The following BICD1 variants were observed in gnomAD, a reference collection of about 807,000 sequenced individuals.
The protein encoded by BICD1 is protein bicaudal D homolog 1.
A neutral mutation model predicts 92.5 loss-of-function variants in BICD1; 35 were observed. The observed-to-expected ratio is 0.38, with a 90% CI of 0.29 to 0.50. BICD1 has a LOEUF of 0.50. Among genes scored for constraint, BICD1 ranks in the 20% least tolerant of loss-of-function variants. The pLI is 0.93. For synonymous variants in BICD1, 429 were observed against 465.1 expected, an observed-to-expected ratio of 0.92 and a Z score of 1.00; for missense variants, 950 against 1,189.8, an observed-to-expected ratio of 0.80 and a Z score of 2.97.
At chr12:32,204,209 G>A (rs1592469869) in intron 1 of BICD1, among the ~76,000 whole-genome samples, 1 of 151,818 alleles carries the variant, frequency 6.6e-6, no homozygotes. Flanking sequence ...AATTAACTGG[G>A]TGTGGTGGCA....
At position 32,107,615 on chromosome 12, in the gene BICD1, CAAG is replaced by C. The variant is rs541157159; in HGVS notation, c.213+75_213+77del. On this transcript the variant is annotated intron_variant, in intron 1 of 9. Transcript: ENST00000652176. The stretch of plus-strand genomic sequence containing the variant: ...ACCCGCAAGGCCCACTCATCATGAT[CAAG>C]AAGTCATAAAGGAGGTGATTGAAAG... The C allele has an allele frequency of 7.4e-3, 10,800 of 1,462,370 alleles. 64 individuals carry two copies. Among genetic ancestry groups the C allele is most frequent in the Non-Finnish European group, 7.6e-3 (8,133 of 1,074,294 alleles). The allele number at this position is 1,462,370 out of a possible 1,614,324, so 90.6% of individuals were successfully genotyped here.
intron 8 of BICD1, among the ~76,000 whole-genome samples, chr12:32,342,185 T>C (rs944411171): frequency 8.6e-6 from 1 of 115,770 alleles, no homozygotes; most frequent in African/African-American, 3.2e-5. Flanking sequence ...TATGTGTGTA[T>C]ATATATATGT....
intron 4 of BICD1, among the ~76,000 whole-genome samples, chr12:32,307,483 G>T (rs184731421): frequency 6.6e-6 from 1 of 152,248 alleles, no homozygotes; most frequent in East Asian, 1.9e-4. Flanking sequence ...GCTCCGTGTA[G>T]ATCTACTGAA....
intron 1 of BICD1, among the ~76,000 whole-genome samples, chr12:32,189,555 G>T (rs1398466892): frequency 6.6e-6 from 1 of 152,126 alleles, no homozygotes; most frequent in Non-Finnish European, 1.5e-5. Context: ...TAGAAGTTCA[G>T]CTCTAGTATA....
chr12:32,281,127 A>G (rs945651695), intron 2 of BICD1, among the ~76,000 whole-genome samples: 2 of 152,194 alleles, frequency 1.3e-5, no homozygotes, highest in African/African-American at 4.8e-5. Flanking sequence ...CCTATGGGAA[A>G]TGGTGTTCTG....
intron 8 of BICD1, among the ~76,000 whole-genome samples, chr12:32,346,798 C>T (rs555900815): frequency 2.0e-5 from 3 of 149,220 alleles, no homozygotes; most frequent in South Asian, 4.2e-4. Flanking sequence ...AGCCTAATTT[C>T]GCTAAGGGCT....
intron 3 of BICD1, among the ~76,000 whole-genome samples, 179 bp downstream of exon 3, chr12:32,294,325 A>G (rs1251373982): frequency 1.3e-5 from 2 of 152,188 alleles, no homozygotes; most frequent in African/African-American, 2.4e-5. Context: ...GAAAAAATAC[A>G]CCTGTAAGTA....
Position 32,246,939 on chromosome 12 carries a change from T to A in BICD1, c.426+30480T>A, listed in dbSNP as rs527722280. ...GGGTGGGGAGTATGACATCAAGAGTTCTGTTTTGATCATGTTTAGTTCAAG... is the reference window on the plus strand; with the variant it reads ...GGGTGGGGAGTATGACATCAAGAGTACTGTTTTGATCATGTTTAGTTCAAG... On this transcript the variant is annotated intron_variant, in intron 2 of 9. Transcript: ENST00000652176. Among the ~76,000 whole-genome samples the A allele has an allele frequency of 3.9e-5, 6 of 152,086 alleles. No individual in the cohort carries two copies. In the South Asian group the frequency reaches 1.0e-3, roughly 26 times the overall value.
At chr12:32,163,932 T>C (rs940619785) in intron 1 of BICD1, among the ~76,000 whole-genome samples, 2 of 152,230 alleles carry the variant, frequency 1.3e-5, no homozygotes, top group African/African-American at 4.8e-5. Flanking sequence ...CAACTAAATA[T>C]GCTAAAGCCA....
At chr12:32,117,320 A>C (rs1456541532) in intron 1 of BICD1, among the ~76,000 whole-genome samples, 2 of 152,148 alleles carry the variant, frequency 1.3e-5, no homozygotes. Flanking sequence ...TAATTTGATA[A>C]GTTTATGTTT....
intron 4 of BICD1, among the ~76,000 whole-genome samples, chr12:32,314,235 T>C (rs1948445274): frequency 6.6e-6 from 1 of 152,238 alleles, no homozygotes; most frequent in African/African-American, 2.4e-5. Flanking sequence ...CTATGAACAT[T>C]TGTGTACAAG....
chr12:32,254,685 G>A (rs770587502), intron 2 of BICD1, among the ~76,000 whole-genome samples: 2 of 152,116 alleles, frequency 1.3e-5, no homozygotes, highest in Non-Finnish European at 2.9e-5. Context: ...TTGCTGAATC[G>A]AGCCTTTGAA....
At chr12:32,311,729 G>A (rs1361636153) in intron 4 of BICD1, among the ~76,000 whole-genome samples, 3 of 152,194 alleles carry the variant, frequency 2.0e-5, no homozygotes, top group Non-Finnish European at 4.4e-5. Flanking sequence ...TTCAGAGAGA[G>A]CAGGTTGTAA....
intron 1 of BICD1, among the ~76,000 whole-genome samples, chr12:32,183,537 T>G (rs1261177219): frequency 6.6e-6 from 1 of 152,234 alleles, no homozygotes; most frequent in African/African-American, 2.4e-5. Flanking sequence ...AGTGCTGGCA[T>G]TATAGGCGTG....
chr12:32,137,980 G>T (rs1034798736), intron 1 of BICD1, among the ~76,000 whole-genome samples: 8 of 152,070 alleles, frequency 5.3e-5, no homozygotes, highest in African/African-American at 1.9e-4. Context: ...GGTGTTTTTA[G>T]TAGGGACAGG....
intron 2 of BICD1, among the ~76,000 whole-genome samples, chr12:32,267,624 T>G (rs1947033686): frequency 6.6e-6 from 1 of 151,436 alleles, no homozygotes; most frequent in South Asian, 2.1e-4. Flanking sequence ...TTAAGCTATT[T>G]TTTTGTTTCT....
At chr12:32,127,245 C>G (rs1056163182) in intron 1 of BICD1, among the ~76,000 whole-genome samples, 2 of 152,128 alleles carry the variant, frequency 1.3e-5, no homozygotes, top group African/African-American at 4.8e-5. Flanking sequence ...TAAAAACATG[C>G]ACCTATATTG....
At chr12:32,266,715 A>T (rs1222584021) in intron 2 of BICD1, among the ~76,000 whole-genome samples, 1 of 152,076 alleles carries the variant, frequency 6.6e-6, no homozygotes, top group Admixed American at 6.5e-5. Flanking sequence ...AAAAATAGCC[A>T]GGCGTGGTGG....
At chr12:32,342,915 ATTAATGCATTATACTGATCGG>A (rs1279379561) in intron 8 of BICD1, among the ~76,000 whole-genome samples, 1 of 152,224 alleles carries the variant, frequency 6.6e-6, no homozygotes, top group East Asian at 1.9e-4. Flanking sequence ...ATAGTAATTG[ATTAATGCATTATACTGATCGG>A]TTTGCTGCAT....
Sources: allele counts gnomAD v4.1 joint callset (sites outside exome capture counted in the v4.1 genomes callset), GRCh38; gene constraint gnomAD v4.1.1; transcripts MANE v1.5; gene names NCBI Gene and HGNC (gene_info 2026-07-23, HGNC 2026-07-21).